The following APBB2 variants were observed in gnomAD, a reference collection of about 807,000 sequenced individuals.
The protein encoded by APBB2 is amyloid beta precursor protein binding family B member 2, also known as Fe65-like 1.
APBB2 carries 38 observed loss-of-function variants against 82.5 expected under a neutral mutation model. The observed-to-expected ratio is 0.46, with a 90% CI of 0.36 to 0.60. APBB2 has a LOEUF of 0.60. Ranked by LOEUF, APBB2 falls within the 20% of genes least tolerant of loss-of-function variation. The pLI is 0.00. For missense variants in APBB2, 772 were observed against 972.3 expected, an observed-to-expected ratio of 0.79 and a Z score of 2.74; for synonymous variants, 341 against 368.2, an observed-to-expected ratio of 0.93 and a Z score of 0.85.
chr4:40,986,232 T>C (rs1800391413), intron 6 of APBB2, among the ~76,000 whole-genome samples: 1 of 152,184 alleles, frequency 6.6e-6, no homozygotes, highest in Admixed American at 6.5e-5. Context: ...AGAAGCAAGA[T>C]ATAACCAATG....
At chr4:41,178,838 T>G (rs1277881895) in intron 1 of APBB2, among the ~76,000 whole-genome samples, 1 of 152,228 alleles carries the variant, frequency 6.6e-6, no homozygotes, top group African/African-American at 2.4e-5. Flanking sequence ...TTTCAGAACA[T>G]TCTGCTGCCT....
intron 6 of APBB2, among the ~76,000 whole-genome samples, chr4:40,999,297 A>T (rs1193604023): frequency 6.6e-6 from 1 of 152,120 alleles, no homozygotes; most frequent in Non-Finnish European, 1.5e-5. Context: ...ATTAAAAAAC[A>T]GCCAGGTCTG....
chr4:41,012,005 G>A (rs1013057595), intron 6 of APBB2, among the ~76,000 whole-genome samples: 1 of 146,326 alleles, frequency 6.8e-6, no homozygotes, highest in Non-Finnish European at 1.5e-5. Flanking sequence ...TGGAACTACA[G>A]GCACATGCCA....
rs953225235 is a variant in APBB2 at position 40,832,889 on chromosome 4, C to T, written c.1530-2312G>A. Among the ~76,000 whole-genome samples, 3 of 152,162 alleles carry T rather than the reference C, an allele frequency of 2.0e-5. No individual in the cohort carries two copies. Among genetic ancestry groups the T allele is most frequent in the African/African-American group, 7.2e-5 (3 of 41,446 alleles). ...AGTACAAGTGTGGGCCTGTGGCACA[C>T]ATCCCTCCTTCCTGTTGGGAAAGTC... On this transcript the variant is annotated intron_variant, in intron 12 of 17. Coordinates refer to ENST00000508593, the MANE Select transcript of APBB2 (RefSeq NM_004307.2). This position sits in a 1 kb window ranked among gnomAD's most constrained non-coding sequence, Gnocchi z 4.8.
chr4:40,894,333 C>G (rs1773043828), intron 10 of APBB2, among the ~76,000 whole-genome samples: 1 of 146,986 alleles, frequency 6.8e-6, no homozygotes. Flanking sequence ...AAGTATACGG[C>G]TAATGGATAC....
At chr4:40,910,121 ATTTTTTT>A (rs34289899) in intron 10 of APBB2, among the ~76,000 whole-genome samples, 8 of 142,784 alleles carry the variant, frequency 5.6e-5, no homozygotes, top group African/African-American at 1.3e-4. Flanking sequence ...TGCCTGGCTA[ATTTTTTT>A]TTTTTTTTTT....
chr4:41,156,369 C>G (rs1032017057), intron 1 of APBB2, among the ~76,000 whole-genome samples: 5 of 152,322 alleles, frequency 3.3e-5, no homozygotes, highest in Admixed American at 6.5e-5. Flanking sequence ...AAATCCTCAA[C>G]AGACTTCCTA....
chr4:40,898,592 CTCTTT>C (rs1485815616), intron 10 of APBB2, among the ~76,000 whole-genome samples: 1 of 151,790 alleles, frequency 6.6e-6, no homozygotes, highest in Non-Finnish European at 1.5e-5. Flanking sequence ...TAAACTTTTA[CTCTTT>C]TCTATTAGTG....
At chr4:41,204,302 A>G (rs1777417397) in intron 1 of APBB2, among the ~76,000 whole-genome samples, 1 of 152,230 alleles carries the variant, frequency 6.6e-6, no homozygotes, top group Non-Finnish European at 1.5e-5. Flanking sequence ...AGAAGATTTC[A>G]GAAGATCACC....
intron 4 of APBB2, among the ~76,000 whole-genome samples, chr4:41,048,686 C>CTCTCCCTCTCCTTCCACGG (rs1724363481): frequency 6.7e-6 from 1 of 149,384 alleles, no homozygotes; most frequent in African/African-American, 2.5e-5. Flanking sequence ...TACGGTCTCC[C>CTCTCCCTCTCCTTCCACGG]TCTCCCTCTC....
At chr4:40,949,727 G>A (rs1002096594) in intron 6 of APBB2, among the ~76,000 whole-genome samples, 1 of 150,534 alleles carries the variant, frequency 6.6e-6, no homozygotes, top group African/African-American at 2.4e-5. Flanking sequence ...AAGGCAAGCG[G>A]CTGAAAACTG....
intron 6 of APBB2, among the ~76,000 whole-genome samples, chr4:41,013,002 G>A (rs1195205206): frequency 3.3e-5 from 5 of 152,098 alleles, no homozygotes; most frequent in African/African-American, 4.8e-5. Flanking sequence ...CTAAACTTCT[G>A]AATATATTTT....
At chr4:41,211,115 C>A (rs1277252338) in intron 1 of APBB2, among the ~76,000 whole-genome samples, 1 of 151,932 alleles carries the variant, frequency 6.6e-6, no homozygotes, top group Non-Finnish European at 1.5e-5. Flanking sequence ...ATTAGCCAGG[C>A]GTGGTGGCGG....
chr4:41,165,941 T>C (rs2154047449), intron 1 of APBB2, among the ~76,000 whole-genome samples: 1 of 147,312 alleles, frequency 6.8e-6, no homozygotes, highest in East Asian at 2.0e-4. Flanking sequence ...TGGCGCGATC[T>C]CCACTCACTG....
chr4:41,110,395 G>A lies in APBB2; in HGVS notation c.-260-9645C>T, dbSNP rs546132971. 3.9e-5 allele frequency among the ~76,000 whole-genome samples: 6 copies of A among 152,220 alleles called. No individual in the cohort carries two copies. The South Asian group carries it at 1.2e-3, about 32-fold the overall frequency. ...TGAGGAGGGTAGATCATGAGGTCAG[G>A]AGTTCGAGACCAGCCTGGCCAACAC... On this transcript the variant is annotated intron_variant, in intron 2 of 17. Transcript: ENST00000508593.
At chr4:40,856,970 T>C (rs575932230) in intron 12 of APBB2, 6 of 985,430 alleles carry the variant, frequency 6.1e-6, no homozygotes, top group Non-Finnish European at 7.2e-6. Context: ...CGACCCCCGT[T>C]CCCCCTGAAC....
chr4:41,033,532 C>T (rs1213193506), intron 4 of APBB2, among the ~76,000 whole-genome samples: 4 of 149,844 alleles, frequency 2.7e-5, no homozygotes, highest in South Asian at 4.2e-4. Flanking sequence ...GGATTTTTTT[C>T]ATGGTAGGCC....
chr4:41,080,165 T>C (rs191706469), intron 3 of APBB2, among the ~76,000 whole-genome samples: 2 of 152,310 alleles, frequency 1.3e-5, no homozygotes, highest in African/African-American at 4.8e-5. Context: ...AAGATTTACA[T>C]TCAACTGTAG....
intron 3 of APBB2, among the ~76,000 whole-genome samples, chr4:41,066,494 A>G (rs1386491491): frequency 2.0e-5 from 3 of 152,224 alleles, no homozygotes; most frequent in Non-Finnish European, 4.4e-5. Flanking sequence ...AAGGATGCAC[A>G]CAAACTGGCC....
Sources: allele counts gnomAD v4.1 joint callset (sites outside exome capture counted in the v4.1 genomes callset), GRCh38; gene constraint gnomAD v4.1.1; non-coding constraint Gnocchi (gnomAD v3.1); transcripts MANE v1.5; gene names NCBI Gene and HGNC (gene_info 2026-07-23, HGNC 2026-07-21).